COL28A1: variants seen among roughly 807,000 people sequenced by gnomAD.
COL28A1 encodes collagen type XXVIII alpha 1 chain.
Under a neutral mutation model 150.2 loss-of-function variants are expected in COL28A1, and 161 were observed. The ratio of observed to expected loss-of-function variants is 1.07; its 90% confidence interval spans 0.94 to 1.22. The LOEUF is 1.22. COL28A1 is among the 50% of genes most tolerant of loss of function. COL28A1 has a pLI of 0.00. For missense variants in COL28A1, 1,617 were observed against 1,388.3 expected, an observed-to-expected ratio of 1.16 and a Z score of -2.62; for synonymous variants, 552 against 469.7, an observed-to-expected ratio of 1.18 and a Z score of -2.26.
downstream of COL28A1, chr7:7,357,590 G>A (rs1016300847): frequency 1.3e-5 from 2 of 151,668 alleles, no homozygotes; most frequent in Admixed American, 6.6e-5. Flanking sequence ...ACCCAGGAGC[G>A]GGAGGTTGCA....
intron 11 of COL28A1, among the ~76,000 whole-genome samples, chr7:7,497,258 G>T (rs1374766405): frequency 6.6e-6 from 1 of 152,090 alleles, no homozygotes; most frequent in Non-Finnish European, 1.5e-5. Flanking sequence ...GAATAAACTT[G>T]GTCTACATTA....
intron 34 of COL28A1, among the ~76,000 whole-genome samples, chr7:7,359,305 T>G (rs375319277): frequency 6.9e-6 from 1 of 145,656 alleles, no homozygotes; most frequent in Non-Finnish European, 1.5e-5. Context: ...AAAAAAAAAG[T>G]AAAATGAAGG....
At chr7:7,452,808 G>C (rs1209841907) in intron 17 of COL28A1, among the ~76,000 whole-genome samples, 2 of 152,178 alleles carry the variant, frequency 1.3e-5, no homozygotes, top group Non-Finnish European at 1.5e-5. Context: ...AAACTCTCAA[G>C]AATAGTCAGA....
intron 27 of COL28A1, among the ~76,000 whole-genome samples, chr7:7,417,147 T>G (rs1784127054): frequency 1.3e-5 from 2 of 151,998 alleles, no homozygotes; most frequent in South Asian, 4.2e-4. Flanking sequence ...CATAGTAATG[T>G]TTAGATGCCA....
rs564323810 is a variant in COL28A1, at chr7:7,440,935, G to A, written c.1651-74C>T. Reference sequence around the variant, plus strand: ...CTCCCCTAATCTAGCAAGGACCATAGCGGAGCCGGATTCTCGACTAATACC... The same window carrying A: ...CTCCCCTAATCTAGCAAGGACCATAACGGAGCCGGATTCTCGACTAATACC... On this transcript the variant is annotated intron_variant, in intron 20 of 34. Transcript: ENST00000399429. 14 of 758,154 alleles carry A rather than the reference G, an allele frequency of 1.8e-5. No homozygotes were observed. The South Asian group carries it at 2.2e-4, about 12-fold the overall frequency. The allele number at this position is 758,154 out of a possible 1,614,324, so 47.0% of individuals were successfully genotyped here.
chr7:7,478,632 C>G (rs1789124708), intron 13 of COL28A1, among the ~76,000 whole-genome samples: 1 of 152,232 alleles, frequency 6.6e-6, no homozygotes. Flanking sequence ...ACACAGGAGC[C>G]CACGGCGGGT....
intron 10 of COL28A1, 117 bp downstream of exon 10, chr7:7,507,000 C>G: frequency 1.6e-6 from 1 of 644,332 alleles, no homozygotes; most frequent in Non-Finnish European, 2.8e-6. Flanking sequence ...TAATGCCTGG[C>G]TTCAATCCCC....
chr7:7,358,532 TACTC>T lies in COL28A1; in HGVS notation c.*97_*100del, dbSNP rs1583207905. On this transcript the variant is annotated 3_prime_UTR_variant, in exon 35 of 35. Transcript: ENST00000399429. ...TTCAATTACATGTATAAGTTGTAAA[TACTC>T]AGTATACACTCAAATATAGTGCTGT... The T allele has an allele frequency of 1.9e-6, 2 of 1,056,214 alleles. No individual in the cohort carries two copies. The highest frequency in any genetic ancestry group is 2.8e-6 in the Non-Finnish European group (2 of 714,080). The allele number at this position is 1,056,214 out of a possible 1,614,324, so 65.4% of individuals were successfully genotyped here. A position where few individuals can be genotyped will look rare whatever the true frequency, so the allele number is the denominator to read the frequency against.
chr7:7,366,385 G>C (rs941901644), intron 33 of COL28A1, among the ~76,000 whole-genome samples: 3 of 152,152 alleles, frequency 2.0e-5, no homozygotes, highest in African/African-American at 7.2e-5. Context: ...CTTAGCTTCA[G>C]CAATGAGACC....
chr7:7,410,434 C>T (rs535868355), intron 27 of COL28A1, among the ~76,000 whole-genome samples: 11 of 152,228 alleles, frequency 7.2e-5, no homozygotes, highest in African/African-American at 2.6e-4. Flanking sequence ...TCGACTCCTC[C>T]TTTTTATGAA....
chr7:7,430,817 A>T (rs533375490), intron 25 of COL28A1, among the ~76,000 whole-genome samples: 1 of 152,112 alleles, frequency 6.6e-6, no homozygotes, highest in Non-Finnish European at 1.5e-5. Context: ...ATCAGTACCC[A>T]AATTTGGTGC....
intron 33 of COL28A1, among the ~76,000 whole-genome samples, chr7:7,367,816 A>T (rs571849389): frequency 1.7e-4 from 3 of 17,430 alleles, no homozygotes; most frequent in Admixed American, 2.9e-3. Flanking sequence ...ATTTTCCTTT[A>T]AAAAAAAAAA....
chr7:7,396,982 G>A (rs1202472472), intron 27 of COL28A1, among the ~76,000 whole-genome samples: 46 of 152,132 alleles, frequency 3.0e-4, no homozygotes, highest in Admixed American at 2.9e-3. Context: ...TTTTCAGAAC[G>A]GCTCCCATGG....
intron 22 of COL28A1, among the ~76,000 whole-genome samples, chr7:7,437,046 C>T (rs1395254970): frequency 6.6e-6 from 1 of 152,084 alleles, no homozygotes; most frequent in Non-Finnish European, 1.5e-5. Context: ...AAAAAATAAA[C>T]CAGTCAACCA....
At chr7:7,449,867 G>A (rs79802346) in intron 18 of COL28A1, among the ~76,000 whole-genome samples, 66 of 152,188 alleles carry the variant, frequency 4.3e-4, no homozygotes, top group African/African-American at 1.6e-3. Context: ...GCTTTACTCT[G>A]TGGTGTGAAA....
chr7:7,417,737 T>C (rs932811239), intron 27 of COL28A1, 122 bp downstream of exon 27: 5 of 802,876 alleles, frequency 6.2e-6, no homozygotes, highest in African/African-American at 1.7e-5. Context: ...CTGGATGCCA[T>C]TTAACTGCGA....
intron 33 of COL28A1, among the ~76,000 whole-genome samples, chr7:7,364,250 T>G (rs138887958): frequency 0.017 from 2,643 of 152,314 alleles, 54 homozygotes; most frequent in Admixed American, 0.054. Flanking sequence ...TATGCCACTT[T>G]GGCACATTGA....
chr7:7,486,951 T>C (rs1335687558), intron 13 of COL28A1, among the ~76,000 whole-genome samples: 1 of 152,194 alleles, frequency 6.6e-6, no homozygotes, highest in Non-Finnish European at 1.5e-5. Context: ...AAAACTGGCC[T>C]CATAAATTAA....
chr7:7,376,989 G>A (rs1781589827), intron 30 of COL28A1, among the ~76,000 whole-genome samples: 1 of 152,068 alleles, frequency 6.6e-6, no homozygotes, highest in South Asian at 2.1e-4. Context: ...AATTGGTAGA[G>A]CAAAATCTCT....
Sources: gnomAD v4.1 joint callset for allele counts (sites outside exome capture counted in the v4.1 genomes callset) on GRCh38, gnomAD v4.1.1 for gene constraint, MANE v1.5 for transcripts, NCBI Gene and HGNC (gene_info 2026-07-23, HGNC 2026-07-21) for gene names.